Variants in DHX15 observed in about 807,000 individuals in gnomAD.
DHX15 encodes the protein ATP-dependent RNA helicase DHX15.
In DHX15, 11 loss-of-function variants were observed where a neutral mutation model predicts 94.4. The observed-to-expected ratio is 0.12, with a 90% CI of 0.07 to 0.19. DHX15 has a LOEUF of 0.19. Among genes scored for constraint, DHX15 ranks in the 10% least tolerant of loss-of-function variants. The probability of loss-of-function intolerance (pLI) is 1.00; values close to 1 mark genes in which losing one functional copy is unlikely to be tolerated. For missense variants in DHX15, 304 were observed against 988.5 expected (o/e 0.31, Z 9.29); for synonymous variants, 338 against 329.9 (o/e 1.02, Z -0.27).
At chr4:24,540,427 C>G in intron 9 of DHX15, 128 bp from the exon 10 acceptor site, 2 of 745,578 alleles carry the variant, frequency 2.7e-6, no homozygotes, top group Non-Finnish European at 4.2e-6. Flanking sequence ...AAACTGTCAT[C>G]CAATTCAATT....
chr4:24,531,589 G>A (rs969109103), intron 12 of DHX15, among the ~76,000 whole-genome samples: 4 of 151,918 alleles, frequency 2.6e-5, no homozygotes, highest in African/African-American at 7.3e-5. Context: ...ATAGTGGTGC[G>A]TGCCTGTAGT....
At chr4:24,583,582 G>A (rs185619778) in intron 1 of DHX15, among the ~76,000 whole-genome samples, 34 of 152,144 alleles carry the variant, frequency 2.2e-4, no homozygotes, top group Middle Eastern at 6.8e-3. Context: ...GCAGAGAGCG[G>A]AAGTTTGCTA....
intron 13 of DHX15, among the ~76,000 whole-genome samples, chr4:24,529,337 C>T (rs1287302718): frequency 6.6e-6 from 1 of 152,180 alleles, no homozygotes; most frequent in Non-Finnish European, 1.5e-5. Context: ...CCATGCCCAG[C>T]CCCTGAAGAA....
At chr4:24,530,834 T>G (rs1306643991) in intron 12 of DHX15, 1 of 152,234 alleles carries the variant, frequency 6.6e-6, no homozygotes, top group Non-Finnish European at 1.5e-5. Context: ...AGAAACTCAA[T>G]TTCATTCGAA....
intron 2 of DHX15, among the ~76,000 whole-genome samples, chr4:24,572,430 C>T (rs933072497): frequency 6.6e-6 from 1 of 152,198 alleles, no homozygotes; most frequent in Admixed American, 6.5e-5. Flanking sequence ...GCCACCATGC[C>T]TGGCCAAGAA....
intron 5 of DHX15, among the ~76,000 whole-genome samples, chr4:24,549,475 A>C (rs1374441241): frequency 1.3e-5 from 2 of 152,232 alleles, no homozygotes; most frequent in Non-Finnish European, 2.9e-5. Context: ...CATTGTGCCT[A>C]ATGAGAACAA....
chr4:24,532,799 G>A, intron 12 of DHX15, 65 bp downstream of exon 12: 1 of 1,244,610 alleles, frequency 8.0e-7, no homozygotes, highest in South Asian at 1.7e-5. Context: ...TGGATTCAAA[G>A]GACTGTTAAT....
At chr4:24,556,713 GC>G (rs1721744115) in intron 3 of DHX15, among the ~76,000 whole-genome samples, 2 of 152,060 alleles carry the variant, frequency 1.3e-5, no homozygotes, top group Non-Finnish European at 2.9e-5. Context: ...GAATGCCAAG[GC>G]AAAATTCGTC....
In DHX15 at chr4:24,584,378, G is replaced by A. The variant is rs1046578605; in HGVS notation, c.16C>T (p.Arg6Trp). ...GGGTAATCCTCCCCTAGGTCCAACC[G>A]GTGCCGCTTGGACATCCTCGCACTC... MSKRH[R>W]LDLGEDYPSG... Residue 6 changes from arginine (R) to tryptophan (W), a missense_variant, in exon 1 of 14, where the codon CGG (arginine) becomes TGG (tryptophan). Coordinates refer to ENST00000336812, the MANE Select transcript of DHX15 (RefSeq NM_001358.3). 1.2e-6 allele frequency: 2 copies of A among 1,612,806 alleles called. No homozygotes were observed. The highest frequency in any genetic ancestry group is 1.1e-5 in the South Asian group (1 of 90,846).
chr4:24,568,397 T>C (rs1722043199), intron 3 of DHX15, among the ~76,000 whole-genome samples: 1 of 152,194 alleles, frequency 6.6e-6, no homozygotes, highest in Admixed American at 6.5e-5. Flanking sequence ...AACACCAGGT[T>C]AGCTCCTAGA....
intron 3 of DHX15, among the ~76,000 whole-genome samples, chr4:24,563,791 C>T (rs1319380361): frequency 6.6e-6 from 1 of 152,068 alleles, no homozygotes; most frequent in Non-Finnish European, 1.5e-5. Flanking sequence ...CAAGGCTGGG[C>T]ACGGTGGCTC....
At position 24,533,306 on chromosome 4, in the gene DHX15, T is replaced by C. The variant is rs1308732548; in HGVS notation, c.1910-252A>G. The stretch of plus-strand genomic sequence containing the variant: ...ACAATGCTTTTGAATTAACTGTTTT[T>C]AGTGAATTACTTCTCCCATTAACAT... On this transcript the variant is annotated intron_variant, in intron 11 of 13. Transcript: ENST00000336812. 5 of 510,422 alleles carry C rather than the reference T, an allele frequency of 9.8e-6. No individual in the cohort carries two copies. The East Asian group carries it at 1.7e-4, about 17-fold the overall frequency. 31.6% of individuals were successfully genotyped at this position (510,422 alleles called of 1,614,324 possible). A position where few individuals can be genotyped will look rare whatever the true frequency, so the allele number is the denominator to read the frequency against.
intron 6 of DHX15, among the ~76,000 whole-genome samples, chr4:24,548,360 G>T (rs1180000404): frequency 6.6e-6 from 1 of 151,770 alleles, no homozygotes; most frequent in African/African-American, 2.4e-5. Flanking sequence ...GGTCAGGCTG[G>T]TCTCAAACTC....
intron 3 of DHX15, among the ~76,000 whole-genome samples, chr4:24,566,199 C>G (rs1363931174): frequency 6.6e-6 from 1 of 152,052 alleles, no homozygotes; most frequent in Non-Finnish European, 1.5e-5. Context: ...ACCACCACAC[C>G]TGGCTCATTT....
rs1577330160 is a variant in DHX15 at position 24,529,624 on chromosome 4, T to A, written c.2247A>T (p.Thr749=). The change falls in exon 13 of 14, where the codon ACA becomes ACT. Residue 749 remains threonine (T), a synonymous_variant. Coordinates refer to ENST00000336812, the MANE Select transcript of DHX15 (RefSeq NM_001358.3). ...FVLTTKNYIR[T]CTDIKPEWLV... is the part of the protein sequence containing the mutation. ...ACCATTCTGGCTTGATATCTGTACA[T>A]GTCCGGATGTAATTCTTTGTTGTTA... is the stretch of plus-strand genomic sequence containing the variant. The A allele has an allele frequency of 6.2e-7, 1 of 1,614,074 alleles. No homozygotes were observed. Among genetic ancestry groups the A allele is most frequent in the African/African-American group, 1.3e-5 (1 of 74,936 alleles).
At chr4:24,583,922 T>G (rs1042361847) in intron 1 of DHX15, among the ~76,000 whole-genome samples, 1 of 152,154 alleles carries the variant, frequency 6.6e-6, no homozygotes, top group East Asian at 1.9e-4. Context: ...CTGCTGCCCT[T>G]GGAAGCGAAT....
chr4:24,548,440 GC>G (rs1721506627), intron 6 of DHX15, among the ~76,000 whole-genome samples: 1 of 152,214 alleles, frequency 6.6e-6, no homozygotes, highest in South Asian at 2.1e-4. Context: ...GCCACGCCCG[GC>G]CAGATCAGTG....
At chr4:24,577,318 G>A (rs868235336) in intron 1 of DHX15, among the ~76,000 whole-genome samples, 2 of 152,044 alleles carry the variant, frequency 1.3e-5, no homozygotes, top group South Asian at 2.1e-4. Context: ...ATACAAATAC[G>A]AATTACAGGA....
chr4:24,542,209 G>C (rs1243759816), intron 7 of DHX15, among the ~76,000 whole-genome samples, 187 bp from the exon 8 acceptor site: 1 of 152,038 alleles, frequency 6.6e-6, no homozygotes, highest in African/African-American at 2.4e-5. Flanking sequence ...ATTCTAATTC[G>C]ATCATCTGAA....
Sources: gnomAD v4.1 joint callset for allele counts (sites outside exome capture counted in the v4.1 genomes callset) on GRCh38, gnomAD v4.1.1 for gene constraint, MANE v1.5 for transcripts, NCBI Gene and HGNC (gene_info 2026-07-23, HGNC 2026-07-21) for gene names.